Variants in RIMS2 observed in about 807,000 individuals in gnomAD.
RIMS2 encodes regulating synaptic membrane exocytosis protein 2.
A neutral mutation model predicts 174.4 loss-of-function variants in RIMS2; 59 were observed. That is an observed-to-expected ratio of 0.34 (90% CI 0.27 to 0.42). RIMS2 has a LOEUF of 0.42. Among genes scored for constraint, RIMS2 ranks in the 10% least tolerant of loss-of-function variants. The pLI is 1.00. For missense variants in RIMS2, 1,620 were observed against 1,666.3 expected (o/e 0.97, Z 0.48); for synonymous variants, 606 against 572.5 (o/e 1.06, Z -0.84).
intron 19 of RIMS2, among the ~76,000 whole-genome samples, chr8:104,139,706 A>G (rs770018704): frequency 6.6e-6 from 1 of 152,176 alleles, no homozygotes; most frequent in African/African-American, 2.4e-5. Flanking sequence ...ATCATCTGCA[A>G]ACAAAGATAA....
chr8:104,021,023 A>G (rs1207455387), intron 19 of RIMS2, among the ~76,000 whole-genome samples: 1 of 152,000 alleles, frequency 6.6e-6, no homozygotes, highest in Admixed American at 6.6e-5. Context: ...TTTTAAAATG[A>G]TTTTATCAAA....
chr8:103,788,874 C>T (rs922189082), intron 3 of RIMS2, among the ~76,000 whole-genome samples: 10 of 152,118 alleles, frequency 6.6e-5, no homozygotes, highest in African/African-American at 2.4e-4. Flanking sequence ...CCCAGCCTCG[C>T]CGCCGCCTTG....
At chr8:103,513,715 TA>T (rs1308371307) in intron 1 of RIMS2, among the ~76,000 whole-genome samples, 1 of 152,174 alleles carries the variant, frequency 6.6e-6, no homozygotes, top group Non-Finnish European at 1.5e-5. Context: ...TGATGCTATA[TA>T]AATGAAAGTG....
chr8:103,654,443 GTAT>G (rs1228655806), intron 1 of RIMS2, among the ~76,000 whole-genome samples: 1 of 151,888 alleles, frequency 6.6e-6, no homozygotes, highest in African/African-American at 2.4e-5. Context: ...TGATTAATTG[GTAT>G]TATTTCAGTT....
At chr8:104,013,687 A>G (rs768352862) in intron 18 of RIMS2, 66 bp downstream of exon 20, 8 of 1,329,792 alleles carry the variant, frequency 6.0e-6, no homozygotes, top group African/African-American at 1.4e-5. Context: ...TATTTTCCCA[A>G]CAGTTAACTG....
At chr8:103,511,036 A>T (rs1338130918) in intron 1 of RIMS2, among the ~76,000 whole-genome samples, 1 of 152,150 alleles carries the variant, frequency 6.6e-6, no homozygotes, top group African/African-American at 2.4e-5. Flanking sequence ...CTGAAATAAT[A>T]TTTTACTATA....
chr8:103,551,581 T>C (rs1288641472), intron 1 of RIMS2, among the ~76,000 whole-genome samples: 6 of 152,134 alleles, frequency 3.9e-5, no homozygotes, highest in Non-Finnish European at 7.4e-5. Context: ...TTCAGCATAG[T>C]GTTGGAAGTT....
At chr8:103,526,166 C>A (rs1448696952) in intron 1 of RIMS2, among the ~76,000 whole-genome samples, 1 of 152,080 alleles carries the variant, frequency 6.6e-6, no homozygotes, top group African/African-American at 2.4e-5. Flanking sequence ...GCTAAATCCC[C>A]CAGGCTTTGG....
chr8:103,921,703 T>C (rs1259557455), exon 10 of RIMS2: 1 of 1,550,480 alleles, frequency 6.4e-7, no homozygotes, highest in East Asian at 2.3e-5. Context: ...AAAAAATGGA[T>C]CGTCCTTCTA....
At chr8:104,109,296 C>CAA (rs1170353786) in intron 19 of RIMS2, among the ~76,000 whole-genome samples, 1,591 of 49,754 alleles carry the variant, frequency 0.032, 55 homozygotes, top group East Asian at 0.18. Context: ...GACTCTGTCT[C>CAA]AAAAAAAAAA....
intron 19 of RIMS2, among the ~76,000 whole-genome samples, chr8:104,176,056 G>C (rs140483769): frequency 1.2e-4 from 19 of 152,052 alleles, no homozygotes; most frequent in South Asian, 4.2e-4. Flanking sequence ...TTCTCTATCT[G>C]CAGTGCTGTC....
At chr8:103,977,208 A>G (rs2093522228) in intron 16 of RIMS2, 2 of 152,222 alleles carry the variant, frequency 1.3e-5, no homozygotes. Context: ...AACTTAGACA[A>G]TTGCAGAAAT....
At position 103,996,603 on chromosome 8, in the gene RIMS2, C is replaced by T. The variant is rs372535001; in HGVS notation, c.3044+7182C>T. ...CTCTACAGAGAAAGGAAATCCAGTACATTAAATGCATGAAGAACCACTCAT... is the reference window on the plus strand; with the variant it reads ...CTCTACAGAGAAAGGAAATCCAGTATATTAAATGCATGAAGAACCACTCAT... On this transcript the variant is annotated intron_variant, in intron 17 of 23. Coordinates refer to ENST00000504942, the Ensembl canonical transcript of RIMS2. 1.8e-4 allele frequency among the ~76,000 whole-genome samples: 27 copies of T among 152,040 alleles called. 2 individuals are homozygous for T. Among genetic ancestry groups the T allele is most frequent in the East Asian group, 1.9e-4 (1 of 5,172 alleles).
chr8:103,682,532 T>C (rs1348060334), intron 1 of RIMS2, among the ~76,000 whole-genome samples: 1 of 151,998 alleles, frequency 6.6e-6, no homozygotes, highest in Non-Finnish European at 1.5e-5. Flanking sequence ...GACTGGAAAG[T>C]GATGAGATAG....
intron 1 of RIMS2, among the ~76,000 whole-genome samples, chr8:103,682,200 T>A (rs758557161): frequency 2.0e-5 from 3 of 152,080 alleles, no homozygotes; most frequent in Non-Finnish European, 4.4e-5. Flanking sequence ...AGGAAAAGTC[T>A]GAACTAGAGG....
chr8:104,148,879 T>A (rs1330261054), intron 19 of RIMS2, 31 bp downstream of exon 25: 1 of 1,584,664 alleles, frequency 6.3e-7, no homozygotes, highest in Non-Finnish European at 8.5e-7. Context: ...TTTAACTTGA[T>A]ATTTGAGTTG....
At chr8:103,594,898 C>T (rs1336660516) in intron 1 of RIMS2, among the ~76,000 whole-genome samples, 1 of 151,654 alleles carries the variant, frequency 6.6e-6, no homozygotes, top group Non-Finnish European at 1.5e-5. Flanking sequence ...TCCATGAAAC[C>T]TGGGAACAGT....
At chr8:104,198,255 C>T (rs1031678256) in intron 19 of RIMS2, among the ~76,000 whole-genome samples, 4 of 152,264 alleles carry the variant, frequency 2.6e-5, no homozygotes, top group East Asian at 1.9e-4. Flanking sequence ...CTGGCAGAGT[C>T]GCAAAAAGAG....
At chr8:103,611,571 A>G (rs1311347691) in intron 1 of RIMS2, among the ~76,000 whole-genome samples, 1 of 151,152 alleles carries the variant, frequency 6.6e-6, no homozygotes, top group Non-Finnish European at 1.5e-5. Context: ...TTTAGGGTAA[A>G]CGTTTTTTCC....
Sources: gnomAD v4.1 joint callset for allele counts (sites outside exome capture counted in the v4.1 genomes callset) on GRCh38, gnomAD v4.1.1 for gene constraint, MANE v1.5 for transcripts, NCBI Gene and HGNC (gene_info 2026-07-23, HGNC 2026-07-21) for gene names.